Variants in C2CD2 observed in about 807,000 individuals in gnomAD.
C2CD2 encodes C2 domain-containing protein 2.
C2CD2 carries 43 observed loss-of-function variants against 74.3 expected under a neutral mutation model. The observed-to-expected ratio is 0.58, with a 90% CI of 0.45 to 0.75. C2CD2 has a LOEUF of 0.75. C2CD2 is among the 30% of genes least tolerant of loss of function. C2CD2 has a pLI of 0.00. For missense variants in C2CD2, 801 were observed against 916.3 expected (o/e 0.87, Z 1.63); for synonymous variants, 422 against 390.7 (o/e 1.08, Z -0.94).
chr21:41,940,555 T>C (rs2065346254), intron 2 of C2CD2, among the ~76,000 whole-genome samples: 1 of 152,096 alleles, frequency 6.6e-6, no homozygotes, highest in Admixed American at 6.5e-5. Flanking sequence ...GACGGAGCCA[T>C]AAAGATCATA....
chr21:41,933,206 G>T (rs2065277969), intron 2 of C2CD2, among the ~76,000 whole-genome samples: 1 of 150,512 alleles, frequency 6.6e-6, no homozygotes, highest in Admixed American at 6.6e-5. Flanking sequence ...GGAATGAGAA[G>T]TTCCTGTTTC....
chr21:41,907,556 T>C, intron 9 of C2CD2, 104 bp downstream of exon 9: 2 of 1,295,530 alleles, frequency 1.5e-6, no homozygotes, highest in East Asian at 2.4e-5. Context: ...GGAGGTCTTA[T>C]TTCACACAGA....
intron 5 of C2CD2, among the ~76,000 whole-genome samples, chr21:41,916,574 A>G (rs4919995): frequency 0.049 from 7,385 of 151,668 alleles, 249 homozygotes; most frequent in South Asian, 0.12. Context: ...TCAGACTCGA[A>G]CTAGAATTAC....
chr21:41,914,645 A>C lies in C2CD2; in HGVS notation c.797T>G (p.Leu266Arg). Residue 266 changes from leucine (L) to arginine (R), a missense_variant, in exon 6 of 14, where the codon CTG becomes CGG. By Grantham distance (102) the Leu-to-Arg change is moderately radical. Coordinates refer to ENST00000380486, the MANE Select transcript of C2CD2 (RefSeq NM_015500.2). ...CAGCAAGACGTGGATGTTCCTCACC[A>C]GTAGCTTCAGCTCGTGAGCCCTTGG... ...KPPRAHELKLLVRNIHVLLLS... is the reference protein window; with the variant it reads ...KPPRAHELKLRVRNIHVLLLS... 6.2e-7 allele frequency: 1 copy of C among 1,613,978 alleles called. No individual in the cohort carries two copies. The highest frequency in any genetic ancestry group is 8.5e-7 in the Non-Finnish European group (1 of 1,179,856).
chr21:41,932,222 G>A (rs1471414742), intron 2 of C2CD2, among the ~76,000 whole-genome samples: 1 of 149,816 alleles, frequency 6.7e-6, no homozygotes, highest in Non-Finnish European at 1.5e-5. Flanking sequence ...ATACATCAAG[G>A]TGCCGGGCGG....
intron 11 of C2CD2, among the ~76,000 whole-genome samples, chr21:41,905,475 G>A (rs1288092632): frequency 6.6e-6 from 1 of 151,996 alleles, no homozygotes; most frequent in East Asian, 1.9e-4. Context: ...GCGCCACCAC[G>A]CCCAGCTAAT....
chr21:41,918,725 C>G, intron 4 of C2CD2, 131 bp downstream of exon 4: 1 of 708,236 alleles, frequency 1.4e-6, no homozygotes, highest in Non-Finnish European at 2.4e-6. Flanking sequence ...CAAGCCAGCC[C>G]CAGGAGGAGT....
At chr21:41,921,830 G>T in intron 3 of C2CD2, 142 bp downstream of exon 3, 1 of 619,960 alleles carries the variant, frequency 1.6e-6, no homozygotes, top group Non-Finnish European at 2.9e-6. Context: ...CTATATGAAA[G>T]GTTACAGTTT....
intron 2 of C2CD2, among the ~76,000 whole-genome samples, chr21:41,933,008 G>A (rs2065276082): frequency 6.7e-6 from 1 of 150,332 alleles, no homozygotes; most frequent in Non-Finnish European, 1.5e-5. Flanking sequence ...GCTCAGGCCA[G>A]CCAGTCCTCG....
chr21:41,889,695 G>A lies in C2CD2; in HGVS notation c.1871-351C>T, dbSNP rs1222335941. ...GTCGCCCAGGCTGGACTGCAGTGGC[G>A]CGATCTTGGCTCACTGCAACCTCCA... On this transcript the variant is annotated intron_variant, in intron 13 of 13. Coordinates refer to ENST00000380486, the MANE Select transcript of C2CD2 (RefSeq NM_015500.2). Among the ~76,000 whole-genome samples the A allele has an allele frequency of 6.6e-5, 10 of 151,156 alleles. No individual in the cohort carries two copies. In the South Asian group the frequency reaches 1.0e-3, roughly 16 times the overall value.
At chr21:41,931,724 T>A (rs2065263064) in intron 2 of C2CD2, among the ~76,000 whole-genome samples, 1 of 150,068 alleles carries the variant, frequency 6.7e-6, no homozygotes, top group African/African-American at 2.4e-5. Context: ...CCTGGCCAAG[T>A]GTCTTTTATA....
intron 3 of C2CD2, 63 bp from the exon 4 acceptor site, chr21:41,919,023 T>C (rs971798420): frequency 4.2e-5 from 49 of 1,160,918 alleles, no homozygotes; most frequent in African/African-American, 1.6e-5. Context: ...TGCACGTGCG[T>C]GTGCATGTGA....
chr21:41,901,847 G>A, intron 11 of C2CD2, 98 bp from the exon 12 acceptor site: 1 of 1,127,452 alleles, frequency 8.9e-7, no homozygotes, highest in Non-Finnish European at 1.3e-6. Flanking sequence ...GCAATGGTTA[G>A]CAGATATTTT....
intron 11 of C2CD2, among the ~76,000 whole-genome samples, chr21:41,904,895 T>G (rs2064941975): frequency 6.6e-6 from 1 of 151,556 alleles, no homozygotes; most frequent in South Asian, 2.1e-4. Flanking sequence ...AAATTTAGAT[T>G]GCGCAGTGAT....
Position 41,901,725 on chromosome 21 carries a change from T to A in C2CD2, c.1457A>T (p.Asp486Val). Residue 486 changes from aspartate to valine, a missense_variant, in exon 12 of 14, where the codon GAT becomes GTT. Coordinates refer to ENST00000380486, the MANE Select transcript of C2CD2 (RefSeq NM_015500.2). ...TCGAATGGCCACTTCAGCCACTGGA[T>A]CCGAACCATTCAACACCAACAATTC... ...DTELLVLNGS[D>V]PVAEVAIRQL... The A allele has an allele frequency of 6.2e-7, 1 of 1,614,036 alleles. No individual in the cohort carries two copies. Among genetic ancestry groups the A allele is most frequent in the Non-Finnish European group, 8.5e-7 (1 of 1,179,874 alleles).
Position 41,901,660 on chromosome 21 carries a change from G to T in C2CD2, c.1522C>A (p.Arg508=). 2 of 1,614,124 alleles carry T rather than the reference G, an allele frequency of 1.2e-6. No individual in the cohort carries two copies. The highest frequency in any genetic ancestry group is 1.7e-6 in the Non-Finnish European group (2 of 1,179,984). ...GATATGATAATAGTGCTTTTCTTCC[G>T]TGGCGACTTGAGTTTCAGCTTTGAA... ...ESSKLKLKSP[R]KKSTIIISGI... Residue 508 remains arginine, a synonymous_variant, in exon 12 of 14, where the codon CGG becomes AGG. Transcript: ENST00000380486.
At position 41,911,767 on chromosome 21, in the gene C2CD2, T is replaced by G. The variant is rs115520230; in HGVS notation, c.953+565A>C. Among the ~76,000 whole-genome samples the G allele has an allele frequency of 8.0e-3, 1,218 of 152,104 alleles. 14 individuals carry two copies. The highest frequency in any genetic ancestry group is 0.027 in the African/African-American group (1,111 of 41,486). ...ATACAGTGGCACAATCACAGCTCAC[T>G]GAAGCCTCGCTCTCCCAGACTCAAG... On this transcript the variant is annotated intron_variant, in intron 7 of 13. Transcript: ENST00000380486.
chr21:41,942,333 A>T, intron 1 of C2CD2, 88 bp from the exon 2 acceptor site: 1 of 1,014,802 alleles, frequency 9.9e-7, no homozygotes, highest in Non-Finnish European at 1.5e-6. Flanking sequence ...CTGAAAAATT[A>T]AGAAAATGTA....
chr21:41,905,521 T>C (rs976605366), intron 11 of C2CD2, among the ~76,000 whole-genome samples: 3 of 152,172 alleles, frequency 2.0e-5, no homozygotes, highest in South Asian at 2.1e-4. Flanking sequence ...TTTTGCCATG[T>C]TGGCCAGGCT....
Sources: gnomAD v4.1 joint callset for allele counts (sites outside exome capture counted in the v4.1 genomes callset) on GRCh38, gnomAD v4.1.1 for gene constraint, MANE v1.5 for transcripts, NCBI Gene and HGNC (gene_info 2026-07-23, HGNC 2026-07-21) for gene names.